The following PARD3 variants were observed in gnomAD, a reference collection of about 807,000 sequenced individuals.
PARD3 encodes partitioning defective 3 homolog.
Under a neutral mutation model 155.4 loss-of-function variants are expected in PARD3, and 75 were observed. That is an observed-to-expected ratio of 0.48 (90% CI 0.40 to 0.58). The LOEUF (loss-of-function observed/expected upper bound fraction) is 0.58, where lower values mean the gene tolerates loss of function less well. Among genes scored for constraint, PARD3 ranks in the 20% least tolerant of loss-of-function variants. The probability of loss-of-function intolerance (pLI) is 0.00; values close to 1 mark genes in which losing one functional copy is unlikely to be tolerated. For synonymous variants in PARD3, 576 were observed against 610.5 expected, an observed-to-expected ratio of 0.94 and a Z score of 0.83; for missense variants, 1,642 against 1,721.7, an observed-to-expected ratio of 0.95 and a Z score of 0.82.
rs1045952426 is a variant in PARD3, at chr10:34,112,446, A to G, written c.3669-884T>C. Among the ~76,000 whole-genome samples the G allele has an allele frequency of 2.6e-5, 4 of 152,360 alleles. No individual in the cohort carries two copies. In the South Asian group the frequency reaches 6.2e-4, roughly 24 times the overall value. On this transcript the variant is annotated intron_variant, in intron 24 of 24. Coordinates refer to ENST00000374788, the MANE Select transcript of PARD3 (RefSeq NM_001184785.2). The stretch of plus-strand genomic sequence containing the variant: ...CTCTAGATGGTTTTATGAATTTACA[A>G]TAAGATTGGCTATGATGAAATAAAA...
At chr10:34,635,570 T>G (rs2092439728) in intron 2 of PARD3, among the ~76,000 whole-genome samples, 1 of 152,174 alleles carries the variant, frequency 6.6e-6, no homozygotes, top group Admixed American at 6.5e-5. Context: ...CGACTCAAAT[T>G]TATATGCCTA....
At position 34,317,174 on chromosome 10, in the gene PARD3, T is replaced by C. The variant is rs1336661020; in HGVS notation, c.2998A>G (p.Arg1000Gly). Residue 1000 changes from arginine (R) to glycine (G), a missense_variant, in exon 20 of 25, where the codon AGA (arginine) becomes GGA (glycine). Transcript: ENST00000374788. ...TTCATTTTATCCTTCTCCTTATCTC[T>C]ATCTTTCTTCTTTTCTTTTCCAGTT... is the stretch of plus-strand genomic sequence containing the variant. ...DKTGKEKKKDRDKEKDKMKAK... is the reference protein window; with the variant it reads ...DKTGKEKKKDGDKEKDKMKAK... 8 of 1,607,516 alleles carry C rather than the reference T, an allele frequency of 5.0e-6. No homozygotes were observed. The highest frequency in any genetic ancestry group is 6.8e-6 in the Non-Finnish European group (8 of 1,176,562).
chr10:34,191,889 G>A (rs1950728178), intron 22 of PARD3, among the ~76,000 whole-genome samples: 2 of 152,096 alleles, frequency 1.3e-5, no homozygotes, highest in African/African-American at 2.4e-5. Flanking sequence ...AAAACTTAAT[G>A]AATGATTTCT....
chr10:34,386,173 G>T (rs1374975211), intron 7 of PARD3, among the ~76,000 whole-genome samples: 1 of 152,136 alleles, frequency 6.6e-6, no homozygotes, highest in Non-Finnish European at 1.5e-5. Flanking sequence ...CTATCAGCTT[G>T]CAAGAATTGT....
intron 5 of PARD3, among the ~76,000 whole-genome samples, chr10:34,440,376 G>A (rs1032440866): frequency 6.6e-6 from 1 of 152,160 alleles, no homozygotes; most frequent in Non-Finnish European, 1.5e-5. Flanking sequence ...AATAAAGAGA[G>A]TTATAGTATA....
chr10:34,223,934 T>C (rs1952451129), intron 22 of PARD3, among the ~76,000 whole-genome samples: 1 of 152,162 alleles, frequency 6.6e-6, no homozygotes. Context: ...ATGGCTCTAA[T>C]CCCAGCCTAA....
intron 12 of PARD3, among the ~76,000 whole-genome samples, chr10:34,370,330 AT>A (rs1366939620): frequency 6.6e-6 from 1 of 152,138 alleles, no homozygotes; most frequent in Non-Finnish European, 1.5e-5. Context: ...TGCAGCTTGC[AT>A]TTCTTAACAG....
chr10:34,294,707 A>C (rs2197012), intron 20 of PARD3, among the ~76,000 whole-genome samples: 103,075 of 152,088 alleles, frequency 0.68, 36,301 homozygotes, highest in African/African-American at 0.88. Context: ...GCTCTGTGGA[A>C]AAACTGCTAA....
intron 2 of PARD3, among the ~76,000 whole-genome samples, chr10:34,555,617 C>T (rs2084918368): frequency 6.6e-6 from 1 of 152,162 alleles, no homozygotes; most frequent in African/African-American, 2.4e-5. Context: ...TTATCTTTTA[C>T]ATCATTATTT....
chr10:34,630,729 C>A (rs1245755163), intron 2 of PARD3, among the ~76,000 whole-genome samples: 1 of 152,126 alleles, frequency 6.6e-6, no homozygotes, highest in African/African-American at 2.4e-5. Flanking sequence ...CAGGCATGAG[C>A]CACTGCACCT....
At chr10:34,434,419 T>C (rs1301473753) in intron 5 of PARD3, among the ~76,000 whole-genome samples, 2 of 152,254 alleles carry the variant, frequency 1.3e-5, no homozygotes, top group South Asian at 2.1e-4. Flanking sequence ...CAATAGATTA[T>C]GAAGCTTGCT....
chr10:34,811,916 C>CCGCACTGT (rs1844232028), intron 1 of PARD3, among the ~76,000 whole-genome samples: 1 of 152,204 alleles, frequency 6.6e-6, no homozygotes, highest in South Asian at 2.1e-4. Flanking sequence ...ATGTCTAGCA[C>CCGCACTGT]CGCACTGTCC....
At chr10:34,509,658 G>A (rs1024395974) in intron 3 of PARD3, among the ~76,000 whole-genome samples, 2 of 152,144 alleles carry the variant, frequency 1.3e-5, no homozygotes, top group Non-Finnish European at 2.9e-5. Flanking sequence ...TTTTATGACT[G>A]ATATTACTAT....
chr10:34,492,145 T>A (rs2079954684), intron 3 of PARD3, among the ~76,000 whole-genome samples: 2 of 152,240 alleles, frequency 1.3e-5, no homozygotes, highest in Admixed American at 6.5e-5. Flanking sequence ...TTTTACAAAA[T>A]GTATCTACAT....
At chr10:34,518,037 C>T (rs994719878) in intron 2 of PARD3, among the ~76,000 whole-genome samples, 2 of 152,154 alleles carry the variant, frequency 1.3e-5, no homozygotes, top group Admixed American at 1.3e-4. Context: ...TGCCACCACA[C>T]CCAGATAATT....
chr10:34,627,022 CTT>C (rs75287986), intron 2 of PARD3, among the ~76,000 whole-genome samples: 27 of 143,262 alleles, frequency 1.9e-4, no homozygotes, highest in Non-Finnish European at 1.5e-4. Flanking sequence ...AGATACCCAT[CTT>C]TTTTTTTTTT....
intron 15 of PARD3, 137 bp from the exon 16 acceptor site, chr10:34,341,953 T>C (rs1836877018): frequency 5.5e-6 from 3 of 544,780 alleles, no homozygotes; most frequent in Non-Finnish European, 9.6e-6. Flanking sequence ...CAAAACAGAA[T>C]TTAGCACATT....
intron 16 of PARD3, among the ~76,000 whole-genome samples, chr10:34,338,445 G>A (rs941473723): frequency 6.6e-6 from 1 of 152,314 alleles, no homozygotes; most frequent in South Asian, 2.1e-4. Context: ...TACTATATCA[G>A]GTCCGGCCAC....
chr10:34,241,287 T>G (rs1162093295), intron 22 of PARD3, among the ~76,000 whole-genome samples: 2 of 151,860 alleles, frequency 1.3e-5, no homozygotes, highest in Non-Finnish European at 2.9e-5. Flanking sequence ...ACCCAGCAGA[T>G]GAAATGGCAA....
Sources: allele counts gnomAD v4.1 joint callset (sites outside exome capture counted in the v4.1 genomes callset), GRCh38; gene constraint gnomAD v4.1.1; transcripts MANE v1.5; gene names NCBI Gene and HGNC (gene_info 2026-07-23, HGNC 2026-07-21).